Variants in UBIAD1 observed in about 807,000 individuals in gnomAD.
UBIAD1 encodes ubiA prenyltransferase domain-containing protein 1.
A neutral mutation model predicts 20.1 loss-of-function variants in UBIAD1; 12 were observed. The ratio of observed to expected loss-of-function variants is 0.60; its 90% CI spans 0.38 to 0.97. UBIAD1 has a LOEUF of 0.97. Ranked by LOEUF, UBIAD1 falls within the 50% of genes least tolerant of loss-of-function variation. The pLI, the probability that UBIAD1 is intolerant of heterozygous loss-of-function variation, is 0.00. For synonymous variants in UBIAD1, 207 were observed against 189.2 expected, an observed-to-expected ratio of 1.09 and a Z score of -0.77; for missense variants, 333 against 419.5, an observed-to-expected ratio of 0.79 and a Z score of 1.80.
intron 1 of UBIAD1, among the ~76,000 whole-genome samples, chr1:11,277,486 G>A (rs549355486): frequency 4.6e-5 from 7 of 151,952 alleles, no homozygotes; most frequent in East Asian, 2.0e-4. Flanking sequence ...TGGCCAGGCT[G>A]GTCTCTCTAA....
At chr1:11,275,020 A>T (rs1239360423) in intron 1 of UBIAD1, among the ~76,000 whole-genome samples, 1 of 152,200 alleles carries the variant, frequency 6.6e-6, no homozygotes, top group East Asian at 1.9e-4. Context: ...ATAGATAATT[A>T]CTTCTAGCTA....
intron 1 of UBIAD1, among the ~76,000 whole-genome samples, chr1:11,293,910 T>C (rs1014525673): frequency 2.0e-5 from 3 of 151,948 alleles, no homozygotes; most frequent in African/African-American, 7.3e-5. Flanking sequence ...TGATCTCAGG[T>C]GATCCACCTG....
rs1651834966 is a variant in UBIAD1 at position 11,273,211 on chromosome 1, C to T, written c.-321C>T. ...CCGCCGGCACCTGTTTCCGGGCGGG[C>T]CTCCAGAGGCCGGCGCACAAGATGG... is the stretch of plus-strand genomic sequence containing the variant. On this transcript the variant is annotated 5_prime_UTR_variant, in exon 1 of 2. Coordinates refer to ENST00000376810, the MANE Select transcript of UBIAD1 (RefSeq NM_013319.3). This position sits in a 1 kb window ranked among gnomAD's most constrained non-coding sequence, Gnocchi z 4.9. 3.1e-6 allele frequency: 1 copy of T among 325,276 alleles called. No individual in the cohort carries two copies. The highest frequency in any genetic ancestry group is 2.8e-5 in the South Asian group (1 of 35,466). The allele number at this position is 325,276 out of a possible 1,614,324, so 20.1% of individuals were successfully genotyped here.
Position 11,286,007 on chromosome 1 carries a change from G to A in UBIAD1, c.893G>A (p.Arg298Lys), listed in dbSNP as rs142284333. 3 of 1,614,086 alleles carry A rather than the reference G, an allele frequency of 1.9e-6. No homozygotes were observed. The African/African-American group carries it at 4.0e-5, about 22-fold the overall frequency. Residue 298 changes from arginine (R) to lysine (K), a missense_variant, in exon 2 of 2, where the codon AGA becomes AAA. Around this residue, in one of 3 missense-constraint regions of UBIAD1, gnomAD observed 226 missense variants for 263.5 expected, o/e 0.86. Coordinates refer to ENST00000376810, the MANE Select transcript of UBIAD1 (RefSeq NM_013319.3). ...ATTCCCATGGCCTTCTCCCTTGAGA[G>A]ACAGTTTCGAAGCCAGGCCTTCAAC... is the stretch of plus-strand genomic sequence containing the variant. The part of the protein sequence containing the change: ...LTIPMAFSLE[R>K]QFRSQAFNKL...
At chr1:11,292,423 A>C (rs1425163604), downstream of UBIAD1, among the ~76,000 whole-genome samples, 1 of 152,146 alleles carries the variant, frequency 6.6e-6, no homozygotes, top group African/African-American at 2.4e-5. Context: ...ATTCCTCGTC[A>C]GGAACATGGG....
intron 1 of UBIAD1, chr1:11,278,823 CT>C (rs1186296718): frequency 2.1e-6 from 1 of 477,476 alleles, no homozygotes; most frequent in Non-Finnish European, 3.8e-6. Context: ...GATGGGGGAG[CT>C]TCTGGGTATT....
intron 1 of UBIAD1, among the ~76,000 whole-genome samples, chr1:11,281,030 CT>C (rs2101019430): frequency 6.6e-6 from 1 of 152,190 alleles, no homozygotes; most frequent in South Asian, 2.1e-4. Context: ...TCCTTTCTTC[CT>C]GCTCATCCTG....
At chr1:11,295,282 G>A (rs576026546), downstream of UBIAD1, 11 of 246,854 alleles carry the variant, frequency 4.5e-5, no homozygotes, top group African/African-American at 1.5e-4. Flanking sequence ...CATGGAAACC[G>A]AGGTGCTGAT....
chr1:11,280,395 C>A (rs2101018956), intron 1 of UBIAD1, among the ~76,000 whole-genome samples: 1 of 152,296 alleles, frequency 6.6e-6, no homozygotes, highest in Admixed American at 6.5e-5. Flanking sequence ...TTCTCTATCT[C>A]CATGTACTCC....
At chr1:11,293,679 AT>A (rs1638402539) in intron 1 of UBIAD1, 1 of 152,066 alleles carries the variant, frequency 6.6e-6, no homozygotes, top group African/African-American at 2.4e-5. Context: ...GTAACTTATT[AT>A]TATTATTATT....
At chr1:11,282,841 A>C (rs987758733) in intron 1 of UBIAD1, among the ~76,000 whole-genome samples, 5 of 150,958 alleles carry the variant, frequency 3.3e-5, no homozygotes, top group Admixed American at 2.6e-4. Context: ...TGCTGGAATT[A>C]CAGCGTGAGC....
At chr1:11,278,061 G>A (rs993212578) in intron 1 of UBIAD1, among the ~76,000 whole-genome samples, 81 of 152,142 alleles carry the variant, frequency 5.3e-4, no homozygotes, top group African/African-American at 1.7e-3. Context: ...GGGATCAAGC[G>A]ATCATCCTAC....
downstream of UBIAD1, among the ~76,000 whole-genome samples, chr1:11,296,541 C>G (rs1341278219): frequency 1.3e-5 from 2 of 152,110 alleles, no homozygotes; most frequent in Non-Finnish European, 2.9e-5. Flanking sequence ...TGTTTTGAGA[C>G]AGGATCTCAC....
rs762225507 is a variant in UBIAD1, at chr1:11,285,839, A to C, written c.725A>C (p.Glu242Ala). Residue 242 changes from glutamate (E) to alanine (A), a missense_variant, in exon 2 of 2, where the codon GAG (glutamate) becomes GCG (alanine). Transcript: ENST00000376810. This position sits in a 1 kb window ranked among gnomAD's most constrained non-coding sequence, Gnocchi z 4.4. ...ACCAGGGACATGGAGTCCGACCGGG[A>C]GGCTGGTATCGTCACGCTGGCCATC... ...NNTRDMESDREAGIVTLAILI... is the reference protein window; with the variant it reads ...NNTRDMESDRAAGIVTLAILI... 1.2e-6 allele frequency: 2 copies of C among 1,614,134 alleles called. No individual in the cohort carries two copies. Among genetic ancestry groups the C allele is most frequent in the East Asian group, 4.5e-5 (2 of 44,878 alleles).
rs745392487 is a variant in UBIAD1 at position 11,285,921 on chromosome 1, C to T, written c.807C>T (p.Tyr269=). ...ACAACACACTGCTCTTCCTGCCCTA[C>T]CTGGTCTTCAGCATCCTGGCCACAC... ...ILYNTLLFLP[Y]LVFSILATHC... is the part of the protein sequence containing the mutation. The change falls in exon 2 of 2, where the codon TAC becomes TAT. Residue 269 remains tyrosine (Y), a synonymous_variant. Coordinates refer to ENST00000376810, the MANE Select transcript of UBIAD1 (RefSeq NM_013319.3). The surrounding 1 kb of genome is among the most constrained non-coding windows in gnomAD (Gnocchi z 4.4). 1 of 1,614,234 alleles carries T rather than the reference C, an allele frequency of 6.2e-7. No homozygotes were observed. The highest frequency in any genetic ancestry group is 2.2e-5 in the East Asian group (1 of 44,888).
At chr1:11,282,729 AT>A (rs879905625) in intron 1 of UBIAD1, among the ~76,000 whole-genome samples, 1 of 145,316 alleles carries the variant, frequency 6.9e-6, no homozygotes, top group Non-Finnish European at 1.5e-5. Flanking sequence ...TGCCCGGCTA[AT>A]TTTTTTTTGT....
intron 1 of UBIAD1, among the ~76,000 whole-genome samples, chr1:11,275,007 G>C (rs1415787845): frequency 1.3e-5 from 2 of 152,100 alleles, no homozygotes; most frequent in South Asian, 2.1e-4. Flanking sequence ...AGTTCAAAAT[G>C]ATATAGATAA....
Position 11,273,750 on chromosome 1 carries a change from C to T in UBIAD1, c.219C>T (p.Tyr73=). The T allele has an allele frequency of 6.2e-7, 1 of 1,614,132 alleles. No homozygotes were observed. The highest frequency in any genetic ancestry group is 1.3e-5 in the African/African-American group (1 of 75,044). The part of the protein sequence containing the change: ...TPVALGSALA[Y]RSHGVLDPRL... ...TGGCCCTGGGCAGTGCCCTTGCCTA[C>T]AGATCCCACGGTGTCCTGGATCCCA... The change falls in exon 1 of 2, where the codon TAC becomes TAT. Residue 73 remains tyrosine (Y), a synonymous_variant. Transcript: ENST00000376810. The surrounding 1 kb of genome is among the most constrained non-coding windows in gnomAD (Gnocchi z 4.9).
intron 1 of UBIAD1, among the ~76,000 whole-genome samples, chr1:11,282,356 A>C (rs1204847279): frequency 6.6e-6 from 1 of 152,158 alleles, no homozygotes; most frequent in Admixed American, 6.6e-5. Flanking sequence ...GCCTAAAAGG[A>C]AATTCCCAGA....
Sources: allele counts gnomAD v4.1 joint callset (sites outside exome capture counted in the v4.1 genomes callset), GRCh38; gene constraint gnomAD v4.1.1; regional missense constraint gnomAD v4.1.1; non-coding constraint Gnocchi (gnomAD v3.1); transcripts MANE v1.5; gene names NCBI Gene and HGNC (gene_info 2026-07-23, HGNC 2026-07-21).